Variants in FSTL4 observed in about 807,000 individuals in gnomAD.
FSTL4 encodes follistatin like 4.
Under a neutral mutation model 78.2 loss-of-function variants are expected in FSTL4, and 28 were observed. The ratio of observed to expected loss-of-function variants is 0.36; its 90% CI spans 0.27 to 0.49. The LOEUF (loss-of-function observed/expected upper bound fraction) is 0.49, where lower values mean the gene tolerates loss of function less well. Ranked by LOEUF, FSTL4 falls within the 20% of genes least tolerant of loss-of-function variation. The pLI is 0.98. For missense variants in FSTL4, 922 were observed against 1,084.9 expected (o/e 0.85, Z 2.11); for synonymous variants, 422 against 440.5 (o/e 0.96, Z 0.53).
chr5:133,306,245 G>A (rs986793839), intron 6 of FSTL4, among the ~76,000 whole-genome samples: 39 of 152,330 alleles, frequency 2.6e-4, no homozygotes, highest in African/African-American at 9.1e-4. Context: ...GCCAGGTTCT[G>A]CTGCATCACG....
At chr5:133,479,493 G>A (rs1407118137) in intron 3 of FSTL4, among the ~76,000 whole-genome samples, 3 of 152,246 alleles carry the variant, frequency 2.0e-5, no homozygotes, top group Non-Finnish European at 2.9e-5. Context: ...ACAAAATGTG[G>A]CACATGTGAT....
chr5:133,295,590 T>C (rs1490145799), intron 6 of FSTL4, among the ~76,000 whole-genome samples: 3 of 152,168 alleles, frequency 2.0e-5, no homozygotes, highest in African/African-American at 7.2e-5. Flanking sequence ...TTAAACCCAA[T>C]CCAATGAGAC....
At position 133,460,130 on chromosome 5, in the gene FSTL4, C is replaced by T. The variant is rs72787325; in HGVS notation, c.161-59144G>A. Among the ~76,000 whole-genome samples the T allele has an allele frequency of 3.4e-3, 525 of 152,344 alleles. 2 individuals carry two copies. Among genetic ancestry groups the T allele is most frequent in the Non-Finnish European group, 5.2e-3 (352 of 68,022 alleles). On this transcript the variant is annotated intron_variant, in intron 3 of 15. Coordinates refer to ENST00000265342, the MANE Select transcript of FSTL4 (RefSeq NM_015082.2). The stretch of plus-strand genomic sequence containing the variant: ...ATTTAAGCCCCCATAAATTCTGTAA[C>T]GGGGCCCTTCAGGCCCTATGCTCAG...
At chr5:133,741,773 A>G in the FSTL4 span, among the ~76,000 whole-genome samples, 1 of 152,156 alleles carries the variant, frequency 6.6e-6, no homozygotes, top group South Asian at 2.1e-4. Flanking sequence ...ATGCACTCAA[A>G]AGCTAACACA....
the FSTL4 span, among the ~76,000 whole-genome samples, chr5:133,824,561 G>A: frequency 6.6e-6 from 1 of 152,176 alleles, no homozygotes; most frequent in African/African-American, 2.4e-5. Flanking sequence ...GAGTACCTGA[G>A]TATATTTCAC....
At chr5:133,651,783 T>C in the FSTL4 span, among the ~76,000 whole-genome samples, 2 of 152,142 alleles carry the variant, frequency 1.3e-5, no homozygotes, top group African/African-American at 2.4e-5. Context: ...GGTATTGGAG[T>C]AATGCTGACC....
the FSTL4 span, among the ~76,000 whole-genome samples, chr5:133,762,310 C>T: frequency 6.6e-6 from 1 of 152,138 alleles, no homozygotes; most frequent in African/African-American, 2.4e-5. Flanking sequence ...GGTGACTGGA[C>T]TAAACAAGGG....
At chr5:133,834,099 A>G in the FSTL4 span, among the ~76,000 whole-genome samples, 14 of 152,342 alleles carry the variant, frequency 9.2e-5, no homozygotes, top group Non-Finnish European at 2.9e-5. Flanking sequence ...GATTAGAGTA[A>G]TACAGATTTA....
At chr5:133,294,292 C>T (rs1201207982) in intron 6 of FSTL4, among the ~76,000 whole-genome samples, 1 of 152,122 alleles carries the variant, frequency 6.6e-6, no homozygotes, top group African/African-American at 2.4e-5. Flanking sequence ...GTGTGGTGTC[C>T]AGGGTGTTAA....
intron 2 of FSTL4, among the ~76,000 whole-genome samples, chr5:133,582,933 G>A (rs1378905306): frequency 6.6e-6 from 1 of 152,166 alleles, no homozygotes; most frequent in African/African-American, 2.4e-5. Context: ...CCATAGCGCA[G>A]GGGTGCTCAT....
intron 3 of FSTL4, among the ~76,000 whole-genome samples, chr5:133,437,495 T>TTG (rs1554114498): frequency 3.4e-5 from 5 of 145,600 alleles, no homozygotes; most frequent in African/African-American, 1.0e-4. Flanking sequence ...GTTTTTTTTT[T>TTG]TTTTTTTTTT....
intron 3 of FSTL4, among the ~76,000 whole-genome samples, chr5:133,422,603 G>T (rs1450404647): frequency 6.6e-6 from 1 of 152,186 alleles, no homozygotes; most frequent in Non-Finnish European, 1.5e-5. Flanking sequence ...TTTAAGAATG[G>T]GATGGCTATT....
chr5:133,530,894 G>A (rs1181682353), intron 3 of FSTL4, among the ~76,000 whole-genome samples: 2 of 152,188 alleles, frequency 1.3e-5, no homozygotes, highest in East Asian at 3.9e-4. Context: ...GGCTCTCCGT[G>A]GTCTTTCCCT....
chr5:133,737,111 T>C, the FSTL4 span, among the ~76,000 whole-genome samples: 4 of 152,272 alleles, frequency 2.6e-5, no homozygotes, highest in East Asian at 7.7e-4. Context: ...TTAAAATGTA[T>C]AATTAAGTTA....
At chr5:133,233,004 G>A (rs766017430) in intron 8 of FSTL4, among the ~76,000 whole-genome samples, 6 of 152,224 alleles carry the variant, frequency 3.9e-5, no homozygotes, top group Non-Finnish European at 8.8e-5. Context: ...CCTCCTAATT[G>A]AACAAGTGAT....
chr5:133,204,537 T>C (rs1750430872), intron 14 of FSTL4, among the ~76,000 whole-genome samples: 1 of 151,968 alleles, frequency 6.6e-6, no homozygotes, highest in Non-Finnish European at 1.5e-5. Flanking sequence ...GGATCAAAAA[T>C]TACTCTTTCA....
chr5:133,716,608 G>C, the FSTL4 span, among the ~76,000 whole-genome samples: 1 of 152,122 alleles, frequency 6.6e-6, no homozygotes, highest in African/African-American at 2.4e-5. Flanking sequence ...GAGGGTGCTT[G>C]TCACTGTGGT....
At chr5:133,820,279 G>A in the FSTL4 span, among the ~76,000 whole-genome samples, 5 of 152,108 alleles carry the variant, frequency 3.3e-5, no homozygotes, top group African/African-American at 9.7e-5. Flanking sequence ...CATGACCTCC[G>A]TTTCAACAAG....
chr5:133,223,594 C>T (rs1455508782), intron 11 of FSTL4, among the ~76,000 whole-genome samples: 2 of 152,206 alleles, frequency 1.3e-5, no homozygotes, highest in East Asian at 3.9e-4. Context: ...CACCAGCTCC[C>T]ACACATGCCC....
Sources: gnomAD v4.1 joint callset for allele counts (sites outside exome capture counted in the v4.1 genomes callset) on GRCh38, gnomAD v4.1.1 for gene constraint, MANE v1.5 for transcripts, NCBI Gene and HGNC (gene_info 2026-07-23, HGNC 2026-07-21) for gene names.